The following TMEM135 variants were observed in gnomAD, a reference collection of about 807,000 sequenced individuals.
The protein encoded by TMEM135 is peroxisomal membrane protein 52.
Under a neutral mutation model 60.3 loss-of-function variants are expected in TMEM135, and 30 were observed. The observed-to-expected ratio is 0.50, with a 90% confidence interval of 0.37 to 0.68. TMEM135 has a LOEUF of 0.68. Ranked by LOEUF, TMEM135 falls within the 30% of genes least tolerant of loss-of-function variation. TMEM135 has a pLI of 0.00. For synonymous variants in TMEM135, 190 were observed against 186.7 expected (o/e 1.02, Z -0.14); for missense variants, 468 against 548.8 (o/e 0.85, Z 1.47).
At chr11:87,209,927 C>T (rs1287863440) in intron 5 of TMEM135, among the ~76,000 whole-genome samples, 1 of 151,956 alleles carries the variant, frequency 6.6e-6, no homozygotes, top group Non-Finnish European at 1.5e-5. Context: ...TGACTTTTGG[C>T]TAAAGAACAA....
intron 5 of TMEM135, among the ~76,000 whole-genome samples, chr11:87,219,810 G>T (rs538028707): frequency 3.9e-4 from 59 of 152,254 alleles, no homozygotes; most frequent in Non-Finnish European, 8.1e-4. Context: ...TAAGTAAACT[G>T]CTCTGATGTG....
intron 6 of TMEM135, among the ~76,000 whole-genome samples, chr11:87,275,952 G>A (rs1287179403): frequency 6.6e-6 from 1 of 152,104 alleles, no homozygotes; most frequent in East Asian, 1.9e-4. Context: ...ATGAGCCACC[G>A]CGCCTGGCCG....
chr11:87,111,543 C>T (rs921833515), intron 4 of TMEM135, among the ~76,000 whole-genome samples: 2 of 148,752 alleles, frequency 1.3e-5, no homozygotes, highest in East Asian at 2.0e-4. Context: ...CCCAGCTACT[C>T]GGGAGGCTGA....
rs1458572479 is a variant in TMEM135, at chr11:87,324,450, C to G, written c.*3117C>G. ...ATTTTTTTATTTTTTGAGTTGAGGTCTAGCTCTGTTGCCCGGGTTGGAGTA... is the reference window on the plus strand; with the variant it reads ...ATTTTTTTATTTTTTGAGTTGAGGTGTAGCTCTGTTGCCCGGGTTGGAGTA... On this transcript the variant is annotated 3_prime_UTR_variant, in exon 15 of 15. Coordinates refer to ENST00000305494, the MANE Select transcript of TMEM135 (RefSeq NM_022918.4). 6.6e-6 allele frequency: 3 copies of G among 453,830 alleles called. No individual in the cohort carries two copies. Among genetic ancestry groups the G allele is most frequent in the Non-Finnish European group, 1.3e-5 (3 of 226,764 alleles). The allele number at this position is 453,830 out of a possible 1,614,324, so 28.1% of individuals were successfully genotyped here.
chr11:87,206,751 A>T (rs1333209227), intron 5 of TMEM135, among the ~76,000 whole-genome samples: 1 of 152,246 alleles, frequency 6.6e-6, no homozygotes, highest in Non-Finnish European at 1.5e-5. Flanking sequence ...TTAAACTATT[A>T]TAGTAGGAAC....
chr11:87,179,893 C>T (rs571449841), intron 5 of TMEM135, among the ~76,000 whole-genome samples: 1 of 152,254 alleles, frequency 6.6e-6, no homozygotes, highest in African/African-American at 2.4e-5. Context: ...GGATGCACTT[C>T]CAACCTGGAG....
chr11:87,162,948 G>C lies in TMEM135; in HGVS notation c.462+5542G>C, dbSNP rs146061422. ...TAAGATGGTATCTTATTGTGGTTTT[G>C]ATTTGCATTTCTCTAATGACCAGTG... On this transcript the variant is annotated intron_variant, in intron 5 of 14. Transcript: ENST00000305494. Among the ~76,000 whole-genome samples, 426 of 150,808 alleles carry C rather than the reference G, an allele frequency of 2.8e-3. 3 individuals are homozygous for C. The highest frequency in any genetic ancestry group is 9.9e-3 in the African/African-American group (408 of 41,112).
At chr11:87,304,992 T>C (rs188341341) in intron 8 of TMEM135, among the ~76,000 whole-genome samples, 1 of 152,220 alleles carries the variant, frequency 6.6e-6, no homozygotes, top group Non-Finnish European at 1.5e-5. Flanking sequence ...AGCAGAAATA[T>C]TTATTAAACA....
chr11:87,300,426 T>C (rs1177201856), intron 7 of TMEM135, among the ~76,000 whole-genome samples: 2 of 152,192 alleles, frequency 1.3e-5, no homozygotes, highest in African/African-American at 4.8e-5. Flanking sequence ...TGTAGCTTAG[T>C]GTTTAAGAAG....
At position 87,141,401 on chromosome 11, in the gene TMEM135, A is replaced by C. The variant is rs562523226; in HGVS notation, c.397-15940A>C. Among the ~76,000 whole-genome samples the C allele has an allele frequency of 7.9e-5, 12 of 152,294 alleles. No individual in the cohort carries two copies. In the South Asian group the frequency reaches 2.5e-3, roughly 32 times the overall value. The stretch of plus-strand genomic sequence containing the variant: ...TTCTAGTTGGTTTTTGGTAGGATAC[A>C]GAAAACAATTGTGTATTGAATACGT... On this transcript the variant is annotated intron_variant, in intron 4 of 14. Coordinates refer to ENST00000305494, the MANE Select transcript of TMEM135 (RefSeq NM_022918.4).
intron 3 of TMEM135, among the ~76,000 whole-genome samples, chr11:87,087,290 C>CAA (rs111844297): frequency 1.5e-5 from 2 of 133,530 alleles, no homozygotes; most frequent in Non-Finnish European, 1.7e-5. Context: ...GTCTTATTTT[C>CAA]AAAAAAAAAA....
At chr11:87,213,729 G>A (rs1167890779) in intron 5 of TMEM135, among the ~76,000 whole-genome samples, 1 of 152,130 alleles carries the variant, frequency 6.6e-6, no homozygotes. Flanking sequence ...ATGGTAGTAG[G>A]TGTTCAGTTA....
chr11:87,205,448 T>A (rs301596), intron 5 of TMEM135, among the ~76,000 whole-genome samples: 79,059 of 151,952 alleles, frequency 0.52, 21,739 homozygotes, highest in East Asian at 0.73. Flanking sequence ...CCGCTAGAAG[T>A]TGCTTGTAGT....
intron 4 of TMEM135, among the ~76,000 whole-genome samples, chr11:87,113,501 G>T (rs1031314708): frequency 1.3e-5 from 2 of 151,956 alleles, no homozygotes; most frequent in Non-Finnish European, 2.9e-5. Context: ...CTTGTAACAA[G>T]ATTTAGTTTA....
At chr11:87,150,239 A>G (rs1246677018) in intron 4 of TMEM135, among the ~76,000 whole-genome samples, 2 of 151,884 alleles carry the variant, frequency 1.3e-5, no homozygotes, top group Admixed American at 1.3e-4. Context: ...AAAAAAAGAA[A>G]AAAAGTGAAA....
At chr11:87,090,540 T>G (rs575187794) in intron 3 of TMEM135, among the ~76,000 whole-genome samples, 15 of 152,242 alleles carry the variant, frequency 9.9e-5, no homozygotes, top group Admixed American at 7.8e-4. Flanking sequence ...TTTCTTTGAG[T>G]ACTGAAAATG....
chr11:87,052,644 C>T (rs1367151705), intron 1 of TMEM135, among the ~76,000 whole-genome samples: 2 of 103,184 alleles, frequency 1.9e-5, no homozygotes, highest in African/African-American at 7.6e-5. Flanking sequence ...GAATGGCAAT[C>T]ATTAAAAAGT....
intron 3 of TMEM135, among the ~76,000 whole-genome samples, chr11:87,080,181 T>TG (rs2135153490): frequency 6.6e-6 from 1 of 151,268 alleles, no homozygotes; most frequent in Non-Finnish European, 1.5e-5. Flanking sequence ...TTTTTTTTTT[T>TG]TTTTGATATC....
At position 87,098,491 on chromosome 11, in the gene TMEM135, G is replaced by T. The variant is rs756073428; in HGVS notation, c.396+7096G>T. On this transcript the variant is annotated intron_variant, in intron 4 of 14. Coordinates refer to ENST00000305494, the MANE Select transcript of TMEM135 (RefSeq NM_022918.4). ...AAGTACATGACTTATTTTGAACTGC[G>T]TGTGAACACTCCTGTTTTGCCAGCT... 1.9e-3 allele frequency among the ~76,000 whole-genome samples: 290 copies of T among 152,178 alleles called. 2 individuals are homozygous for T. Among genetic ancestry groups the T allele is most frequent in the Non-Finnish European group, 3.1e-3 (213 of 68,008 alleles).
Sources: allele counts gnomAD v4.1 joint callset (sites outside exome capture counted in the v4.1 genomes callset), GRCh38; gene constraint gnomAD v4.1.1; transcripts MANE v1.5; gene names NCBI Gene and HGNC (gene_info 2026-07-23, HGNC 2026-07-21).